HBS1L: variants seen among roughly 807,000 people sequenced by gnomAD.
HBS1L encodes HBS1-like protein.
Under a neutral mutation model 88.9 loss-of-function variants are expected in HBS1L, and 55 were observed. The observed-to-expected ratio is 0.62, with a 90% CI of 0.50 to 0.77. The LOEUF is 0.77. Among genes scored for constraint, HBS1L ranks in the 30% least tolerant of loss-of-function variants. HBS1L has a pLI of 0.00. For synonymous variants in HBS1L, 267 were observed against 288.5 expected, an observed-to-expected ratio of 0.93 and a Z score of 0.76; for missense variants, 741 against 829.3, an observed-to-expected ratio of 0.89 and a Z score of 1.31.
At chr6:134,978,985 T>C (rs1774735291) in intron 14 of HBS1L, among the ~76,000 whole-genome samples, 193 bp downstream of exon 14, 1 of 152,094 alleles carries the variant, frequency 6.6e-6, no homozygotes, top group South Asian at 2.1e-4. Flanking sequence ...GAGCTTTCAC[T>C]CAAAGCACAT....
At chr6:135,037,927 A>T (rs1776610345) in intron 4 of HBS1L, 1 of 1,551,080 alleles carries the variant, frequency 6.4e-7, no homozygotes, top group African/African-American at 1.4e-5. Flanking sequence ...TGAGCTAGCA[A>T]AATCAAAGGG....
In HBS1L at chr6:135,035,608, G is replaced by A. The variant is rs143741069; in HGVS notation, c.430+3965C>T. 8.5e-3 allele frequency among the ~76,000 whole-genome samples: 1,290 copies of A among 151,396 alleles called. 11 individuals are homozygous for A. Among genetic ancestry groups the A allele is most frequent in the African/African-American group, 0.03 (1,226 of 41,252 alleles). ...AATACAAAAAAGAAAAAAATTAGCCGGGTGTGGTGGTGGGCACCAGTAGTC... is the reference window on the plus strand; with the variant it reads ...AATACAAAAAAGAAAAAAATTAGCCAGGTGTGGTGGTGGGCACCAGTAGTC... On this transcript the variant is annotated intron_variant, in intron 4 of 17. Transcript: ENST00000367837.
intron 4 of HBS1L, among the ~76,000 whole-genome samples, chr6:135,007,119 CA>C (rs1775636173): frequency 6.6e-6 from 1 of 152,064 alleles, no homozygotes; most frequent in East Asian, 1.9e-4. Flanking sequence ...GGTCTCTAAG[CA>C]CACAAAAAAA....
intron 4 of HBS1L, among the ~76,000 whole-genome samples, chr6:135,004,668 G>A (rs1433393683): frequency 2.0e-5 from 3 of 152,090 alleles, no homozygotes; most frequent in African/African-American, 4.8e-5. Context: ...AGGGAGAGGA[G>A]AGGATGAAGT....
At chr6:135,039,544 C>G in intron 4 of HBS1L, 29 bp downstream of exon 4, 1 of 1,578,348 alleles carries the variant, frequency 6.3e-7, no homozygotes. Flanking sequence ...CTATGTAAAA[C>G]AAGTGAAAAA....
chr6:135,037,460 T>C (rs1285735598), intron 4 of HBS1L: 4 of 1,549,536 alleles, frequency 2.6e-6, no homozygotes, highest in East Asian at 2.4e-5. Context: ...TCAACAGTCA[T>C]ATTTTCCAAC....
At chr6:134,967,283 C>G (rs181181048) in intron 16 of HBS1L, among the ~76,000 whole-genome samples, 12 of 152,220 alleles carry the variant, frequency 7.9e-5, no homozygotes, top group African/African-American at 2.9e-4. Context: ...CATAAACTCT[C>G]CTTTTGAAAG....
intron 4 of HBS1L, among the ~76,000 whole-genome samples, chr6:135,015,274 T>C (rs1459167245): frequency 6.6e-6 from 1 of 152,210 alleles, no homozygotes; most frequent in Non-Finnish European, 1.5e-5. Flanking sequence ...TTACATAGAA[T>C]TGAGATTCAC....
intron 4 of HBS1L, 106 bp from the exon 5 acceptor site, chr6:135,002,948 T>A (rs1775506889): frequency 1.6e-6 from 1 of 643,934 alleles, no homozygotes; most frequent in East Asian, 3.0e-5. Flanking sequence ...TTCACAGAAT[T>A]AATGTCTTTA....
At chr6:135,028,784 T>A (rs1252585056) in intron 4 of HBS1L, among the ~76,000 whole-genome samples, 1 of 152,140 alleles carries the variant, frequency 6.6e-6, no homozygotes, top group African/African-American at 2.4e-5. Flanking sequence ...ATCTAAAGCC[T>A]TTGGCATCTC....
rs1296630440 is a variant in HBS1L, at chr6:135,039,648, C to A, written c.355G>T (p.Val119Phe). ...KFDVQKALSGVLEQDRVQSLK... is the reference protein window; with the variant it reads ...KFDVQKALSGFLEQDRVQSLK... ...CTCTGCACTCTATCTTGTTCCAGAACCCCTGACAAAGCCTTCTGCACATCA... is the reference window on the plus strand; with the variant it reads ...CTCTGCACTCTATCTTGTTCCAGAAACCCTGACAAAGCCTTCTGCACATCA... The change falls in exon 4 of 18, where the codon GTT becomes TTT. Residue 119 changes from valine to phenylalanine, a missense_variant. Coordinates refer to ENST00000367837, the MANE Select transcript of HBS1L (RefSeq NM_006620.4). The A allele has an allele frequency of 6.2e-7, 1 of 1,614,134 alleles. No individual in the cohort carries two copies. The highest frequency in any genetic ancestry group is 1.7e-5 in the Admixed American group (1 of 60,026).
rs75119804 is a variant in HBS1L, at chr6:134,966,328, C to T, written c.2043+1G>A. 2 of 1,605,202 alleles carry T rather than the reference C, an allele frequency of 1.2e-6. No individual in the cohort carries two copies. Among genetic ancestry groups the T allele is most frequent in the Non-Finnish European group, 1.7e-6 (2 of 1,176,342 alleles). ...TAATGAGTCACTTTAAAATAAAATA[C>T]CTCAGTGACAACACCAGCAGCTATT... On this transcript the variant is annotated splice_donor_variant, in intron 17 of 17. Coordinates refer to ENST00000367837, the MANE Select transcript of HBS1L (RefSeq NM_006620.4). LOFTEE classifies it high-confidence loss of function.
intron 4 of HBS1L, among the ~76,000 whole-genome samples, chr6:135,004,804 T>C (rs1449988740): frequency 6.6e-6 from 1 of 152,244 alleles, no homozygotes; most frequent in Non-Finnish European, 1.5e-5. Context: ...AACATGTTGG[T>C]TGACCTCAAA....
chr6:135,038,095 CAAAAGG>C, intron 4 of HBS1L: 1 of 1,206,678 alleles, frequency 8.3e-7, no homozygotes, highest in Non-Finnish European at 1.1e-6. Flanking sequence ...TCACAGCAAC[CAAAAGG>C]AAACATGAAA....
At chr6:135,054,538 T>A in intron 1 of HBS1L, 111 bp downstream of exon 1, 2 of 1,286,788 alleles carry the variant, frequency 1.6e-6, no homozygotes. Flanking sequence ...GCTCTCCCAA[T>A]CCCGACAGGG....
intron 7 of HBS1L, among the ~76,000 whole-genome samples, chr6:134,995,733 T>C (rs907940822): frequency 2.6e-5 from 4 of 152,034 alleles, no homozygotes; most frequent in African/African-American, 9.7e-5. Flanking sequence ...TTGCATCATA[T>C]ACAATTACAT....
chr6:135,042,039 T>C lies in HBS1L; in HGVS notation c.197A>G (p.Asn66Ser), dbSNP rs534894059. The C allele has an allele frequency of 2.4e-5, 39 of 1,613,596 alleles. No homozygotes were observed. The Admixed American group carries it at 2.7e-4, about 11-fold the overall frequency. The change falls in exon 3 of 18, where the codon AAT (asparagine) becomes AGT (serine). Residue 66 changes from asparagine (N) to serine (S), a missense_variant. This residue lies in a region of HBS1L where 556 missense variants were observed against 598.4 expected (regional missense o/e 0.93). Transcript: ENST00000367837. ...YDYEDLKESS[N>S]SVSNHQLSGF... ...ACTGAGCTGATGGTTTGAAACAGAA[T>C]TGGAAGATTCTTTCAGATCTTCATA...
At chr6:134,979,338 T>C in intron 13 of HBS1L, 70 bp from the exon 14 acceptor site, 7 of 1,129,934 alleles carry the variant, frequency 6.2e-6, no homozygotes, top group South Asian at 1.3e-5. Context: ...CCAACAGAGT[T>C]TGGCTGATTT....
intron 2 of HBS1L, among the ~76,000 whole-genome samples, chr6:135,046,778 A>G (rs13209789): frequency 0.47 from 70,917 of 152,100 alleles, 16,869 homozygotes; most frequent in South Asian, 0.56. Flanking sequence ...TCTTTCAATT[A>G]TCAGACTTCA....
Sources: allele counts gnomAD v4.1 joint callset (sites outside exome capture counted in the v4.1 genomes callset), GRCh38; gene constraint gnomAD v4.1.1; regional missense constraint gnomAD v4.1.1; transcripts MANE v1.5; gene names NCBI Gene and HGNC (gene_info 2026-07-23, HGNC 2026-07-21).